WWOX: variants seen among roughly 807,000 people sequenced by gnomAD.
WWOX encodes WW domain-containing oxidoreductase.
WWOX carries 69 observed loss-of-function variants against 46.2 expected under a neutral mutation model. The observed-to-expected ratio is 1.49, with a 90% CI of 1.23 to 1.82. The LOEUF is 1.82. WWOX is among the 40% of genes most tolerant of loss of function. The pLI is 0.00. For missense variants in WWOX, 919 were observed against 542.6 expected (o/e 1.69, Z -6.89); for synonymous variants, 359 against 202.6 (o/e 1.77, Z -6.56).
chr16:78,659,374 G>A (rs920804200), intron 8 of WWOX, among the ~76,000 whole-genome samples: 1 of 152,046 alleles, frequency 6.6e-6, no homozygotes, highest in Non-Finnish European at 1.5e-5. Flanking sequence ...GACAACATCA[G>A]GGTCATCTGG....
Position 79,067,518 on chromosome 16 carries a change from G to A in WWOX, c.1057-144090G>A, listed in dbSNP as rs1000150645. Reference sequence around the variant, plus strand: ...CCTTTACCCTTTATAGTGTCTGCCCGGACATCTCCTCACTAGAGACCTTCC... The same window carrying A: ...CCTTTACCCTTTATAGTGTCTGCCCAGACATCTCCTCACTAGAGACCTTCC... On this transcript the variant is annotated intron_variant, in intron 8 of 8. Coordinates refer to ENST00000566780, the MANE Select transcript of WWOX (RefSeq NM_016373.4). 2.8e-4 allele frequency among the ~76,000 whole-genome samples: 42 copies of A among 151,292 alleles called. 1 individual carries two copies. Among genetic ancestry groups the A allele is most frequent in the Admixed American group, 9.3e-4 (14 of 15,120 alleles).
intron 4 of WWOX, among the ~76,000 whole-genome samples, chr16:78,137,258 G>C (rs553368090): frequency 1.0e-3 from 153 of 152,268 alleles, no homozygotes; most frequent in African/African-American, 3.5e-3. Context: ...CCACCCCCTA[G>C]TTTTCTTTTG....
intron 6 of WWOX, among the ~76,000 whole-genome samples, chr16:78,393,867 A>G (rs1179049066): frequency 1.3e-5 from 2 of 152,154 alleles, no homozygotes; most frequent in Non-Finnish European, 2.9e-5. Flanking sequence ...AAAGGTTAAA[A>G]TAACGGTTTT....
chr16:78,219,095 C>T (rs917160661), intron 5 of WWOX, among the ~76,000 whole-genome samples: 3 of 152,114 alleles, frequency 2.0e-5, no homozygotes, highest in East Asian at 1.9e-4. Flanking sequence ...AACATTGAAA[C>T]ACACCAGATG....
At chr16:78,448,035 C>T (rs752578802) in intron 8 of WWOX, among the ~76,000 whole-genome samples, 1 of 152,012 alleles carries the variant, frequency 6.6e-6, no homozygotes, top group Non-Finnish European at 1.5e-5. Context: ...AACTCCTGAC[C>T]TCAAGTGATC....
At chr16:78,982,094 A>G (rs1009501543) in intron 8 of WWOX, among the ~76,000 whole-genome samples, 1 of 147,410 alleles carries the variant, frequency 6.8e-6, no homozygotes, top group African/African-American at 2.5e-5. Flanking sequence ...CTCACTGGGG[A>G]TGGGCTAAAC....
At chr16:79,047,113 C>G (rs578022494) in intron 8 of WWOX, among the ~76,000 whole-genome samples, 1 of 152,184 alleles carries the variant, frequency 6.6e-6, no homozygotes, top group African/African-American at 2.4e-5. Flanking sequence ...TCCAGCCATT[C>G]ACATATGTAT....
intron 8 of WWOX, among the ~76,000 whole-genome samples, chr16:78,568,883 A>G (rs7201593): frequency 0.012 from 1,808 of 152,336 alleles, 44 homozygotes; most frequent in African/African-American, 0.04. Flanking sequence ...TTTACGGGCT[A>G]TCAGTAGATG....
chr16:78,996,803 G>A (rs1597253380), intron 8 of WWOX, among the ~76,000 whole-genome samples: 1 of 152,108 alleles, frequency 6.6e-6, no homozygotes, highest in East Asian at 1.9e-4. Context: ...AACACCCAAA[G>A]TAGGCACTGT....
At chr16:78,953,918 A>C (rs1028427110) in intron 8 of WWOX, among the ~76,000 whole-genome samples, 2 of 152,170 alleles carry the variant, frequency 1.3e-5, no homozygotes, top group African/African-American at 4.8e-5. Context: ...ATTTTTATTA[A>C]TTACTTCAGT....
At chr16:78,617,432 G>T (rs1267957016) in intron 8 of WWOX, among the ~76,000 whole-genome samples, 2 of 150,700 alleles carry the variant, frequency 1.3e-5, no homozygotes, top group African/African-American at 4.9e-5. Context: ...TGACCACACT[G>T]TGGCTTTGCT....
intron 8 of WWOX, among the ~76,000 whole-genome samples, chr16:79,037,515 C>A (rs957427170): frequency 6.6e-6 from 1 of 152,042 alleles, no homozygotes; most frequent in Non-Finnish European, 1.5e-5. Context: ...GCAGCTGTCA[C>A]CTTCCCAAAG....
intron 5 of WWOX, among the ~76,000 whole-genome samples, chr16:78,323,397 G>A (rs892197076): frequency 2.0e-5 from 3 of 152,170 alleles, no homozygotes; most frequent in African/African-American, 7.2e-5. Context: ...GAGCCACTGC[G>A]CCCGGCCGGG....
chr16:78,877,676 ATG>A (rs1234408255), intron 8 of WWOX, among the ~76,000 whole-genome samples: 2 of 152,206 alleles, frequency 1.3e-5, no homozygotes, highest in Non-Finnish European at 2.9e-5. Flanking sequence ...CTCTAGAAGA[ATG>A]TAAGTTTGTA....
chr16:78,700,462 A>C (rs949575595), intron 8 of WWOX, among the ~76,000 whole-genome samples: 1 of 151,978 alleles, frequency 6.6e-6, no homozygotes, highest in African/African-American at 2.4e-5. Flanking sequence ...TGGGTGTTCT[A>C]GTTTAACATA....
intron 8 of WWOX, among the ~76,000 whole-genome samples, chr16:79,056,761 G>C (rs954913226): frequency 2.0e-5 from 3 of 152,092 alleles, no homozygotes; most frequent in African/African-American, 7.2e-5. Flanking sequence ...AGTTTTTCTT[G>C]CTAAGTTTAT....
chr16:79,176,882 A>G (rs1219453447), intron 8 of WWOX, among the ~76,000 whole-genome samples: 4 of 152,072 alleles, frequency 2.6e-5, no homozygotes, highest in Non-Finnish European at 5.9e-5. Flanking sequence ...TTATTTCCCC[A>G]CTGGCATAAT....
At chr16:78,994,904 G>T (rs1235551821) in intron 8 of WWOX, among the ~76,000 whole-genome samples, 1 of 150,646 alleles carries the variant, frequency 6.6e-6, no homozygotes, top group African/African-American at 2.4e-5. Flanking sequence ...ACTCCCTTCT[G>T]GACACTGGAA....
intron 8 of WWOX, among the ~76,000 whole-genome samples, chr16:78,712,529 A>G (rs1474209150): frequency 2.0e-5 from 3 of 152,012 alleles, no homozygotes; most frequent in African/African-American, 7.2e-5. Context: ...TATATTGATT[A>G]AAAGAGACTT....
Sources: gnomAD v4.1 joint callset for allele counts (sites outside exome capture counted in the v4.1 genomes callset) on GRCh38, gnomAD v4.1.1 for gene constraint, MANE v1.5 for transcripts, NCBI Gene and HGNC (gene_info 2026-07-23, HGNC 2026-07-21) for gene names.